Variants in PCK1 observed in about 807,000 individuals in gnomAD.
PCK1 encodes the protein phosphoenolpyruvate carboxykinase, cytosolic [GTP].
Under a neutral mutation model 50.3 loss-of-function variants are expected in PCK1, and 44 were observed. The ratio of observed to expected loss-of-function variants is 0.87; its 90% CI spans 0.69 to 1.12. PCK1 has a LOEUF of 1.12. Ranked by LOEUF, PCK1 falls within the 50% of genes most tolerant of loss-of-function variation. PCK1 has a pLI of 0.00. For missense variants in PCK1, 790 were observed against 815.0 expected, an observed-to-expected ratio of 0.97 and a Z score of 0.37; for synonymous variants, 332 against 314.3, an observed-to-expected ratio of 1.06 and a Z score of -0.59.
Position 57,565,429 on chromosome 20 carries a change from T to A in PCK1, c.1494T>A (p.Leu498=). The A allele has an allele frequency of 5.6e-6, 9 of 1,614,176 alleles. No individual in the cohort carries two copies. Among genetic ancestry groups the A allele is most frequent in the Non-Finnish European group, 6.8e-6 (8 of 1,179,986 alleles). Residue 498 remains leucine (L), a synonymous_variant, in exon 10 of 10, where the codon CTT becomes CTA. Transcript: ENST00000319441. ...YNFGKYLAHW[L]SMAQHPAAKL... ...TCGGCAAATACCTGGCCCACTGGCT[T>A]AGCATGGCCCAGCACCCAGCAGCCA...
Position 57,561,628 on chromosome 20 carries a change from G to A in PCK1, c.217G>A (p.Asp73Asn). Reference protein sequence around the residue: ...EGILRRLKKYDNCWLALTDPR... With the variant: ...EGILRRLKKYNNCWLALTDPR... ...CATCCTCAGGCGGCTGAAGAAGTAT[G>A]ACAACTGGTAAGCTCGGCCCCCGCT... The change falls in exon 2 of 10, where the codon GAC becomes AAC. Residue 73 changes from aspartate (D) to asparagine (N), a missense_variant. Physicochemically the swap from Asp to Asn is conservative, Grantham distance 23. Coordinates refer to ENST00000319441, the MANE Select transcript of PCK1 (RefSeq NM_002591.4). 1.2e-6 allele frequency: 2 copies of A among 1,609,476 alleles called. No homozygotes were observed. The highest frequency in any genetic ancestry group is 1.9e-4 in the Middle Eastern group (1 of 5,272).
Position 57,561,592 on chromosome 20 carries a change from G to A in PCK1, c.181G>A (p.Glu61Lys), listed in dbSNP as rs1462472069. Residue 61 changes from glutamate (E) to lysine (K), a missense_variant, in exon 2 of 10, where the codon GAG (glutamate) becomes AAG (lysine). Transcript: ENST00000319441. ...GAATGGGCGGCTTCTGGGCCAGATG[G>A]AGGAAGAGGGCATCCTCAGGCGGCT... ...EENGRLLGQMEEEGILRRLKK... is the reference protein window; with the variant it reads ...EENGRLLGQMKEEGILRRLKK... 6.2e-7 allele frequency: 1 copy of A among 1,613,622 alleles called. No homozygotes were observed. Among genetic ancestry groups the A allele is most frequent in the Admixed American group, 1.7e-5 (1 of 60,012 alleles).
Position 57,561,548 on chromosome 20 carries a change from G to C in PCK1, c.137G>C (p.Cys46Ser), listed in dbSNP as rs777314725. 1 of 1,614,044 alleles carries C rather than the reference G, an allele frequency of 6.2e-7. No homozygotes were observed. Among genetic ancestry groups the C allele is most frequent in the Non-Finnish European group, 8.5e-7 (1 of 1,179,984 alleles). Residue 46 changes from cysteine to serine, a missense_variant, in exon 2 of 10, where the codon TGT becomes TCT. Physicochemically the swap from Cys to Ser is moderately radical, Grantham distance 112 (BLOSUM62 -1). Coordinates refer to ENST00000319441, the MANE Select transcript of PCK1 (RefSeq NM_002591.4). The part of the protein sequence containing the change: ...ELCQPDHIHI[C>S]DGSEEENGRL... Reference sequence around the variant, plus strand: ...TGTCAGCCTGATCACATCCACATCTGTGACGGCTCTGAGGAGGAGAATGGG... The same window carrying C: ...TGTCAGCCTGATCACATCCACATCTCTGACGGCTCTGAGGAGGAGAATGGG...
At chr20:57,562,459 A>G in intron 3 of PCK1, 1 of 626,468 alleles carries the variant, frequency 1.6e-6, no homozygotes, top group Non-Finnish European at 2.8e-6. Context: ...AACTAGTTCC[A>G]TGCATATGGG....
At position 57,565,940 on chromosome 20, in the gene PCK1, G is replaced by A; in HGVS notation, c.*136G>A. On this transcript the variant is annotated 3_prime_UTR_variant, in exon 10 of 10. Coordinates refer to ENST00000319441, the MANE Select transcript of PCK1 (RefSeq NM_002591.4). ...ACCACACCGTGAGCAGATCTGAAAGGCACACTTTGATTTTTTTAAGGATAA... is the reference window on the plus strand; with the variant it reads ...ACCACACCGTGAGCAGATCTGAAAGACACACTTTGATTTTTTTAAGGATAA... 1.6e-6 allele frequency: 1 copy of A among 629,098 alleles called. No homozygotes were observed. The highest frequency in any genetic ancestry group is 2.7e-6 in the Non-Finnish European group (1 of 373,366). 39.0% of individuals were successfully genotyped at this position (629,098 alleles called of 1,614,324 possible). A position where few individuals can be genotyped will look rare whatever the true frequency, so the allele number is the denominator to read the frequency against.
Position 57,565,927 on chromosome 20 carries a change from G to A in PCK1, c.*123G>A. The A allele has an allele frequency of 2.9e-6, 2 of 679,058 alleles. No homozygotes were observed. The highest frequency in any genetic ancestry group is 4.9e-6 in the Non-Finnish European group (2 of 410,228). The allele number at this position is 679,058 out of a possible 1,614,324, so 42.1% of individuals were successfully genotyped here. A position where few individuals can be genotyped will look rare whatever the true frequency, so the allele number is the denominator to read the frequency against. On this transcript the variant is annotated 3_prime_UTR_variant, in exon 10 of 10. Transcript: ENST00000319441. ...CATAATAATCATCACCACACCGTGA[G>A]CAGATCTGAAAGGCACACTTTGATT...
Position 57,565,639 on chromosome 20 carries a change from C to T in PCK1, c.1704C>T (p.Gly568=). 6.2e-7 allele frequency: 1 copy of T among 1,614,136 alleles called. No individual in the cohort carries two copies. The highest frequency in any genetic ancestry group is 8.5e-7 in the Non-Finnish European group (1 of 1,180,022). ...IPKEDALNLK[G]LGHINMMELF... is the part of the protein sequence containing the mutation. ...AGGAGGATGCCCTGAACCTGAAAGG[C>T]CTGGGGCACATCAACATGATGGAGC... The change falls in exon 10 of 10, where the codon GGC becomes GGT. Residue 568 remains glycine (G), a synonymous_variant. Transcript: ENST00000319441.
rs148075029 is a variant in PCK1 at position 57,564,303 on chromosome 20, G to A, written c.1096G>A (p.Gly366Arg). The change falls in exon 7 of 10, where the codon GGG (glycine) becomes AGG (arginine). Residue 366 changes from glycine to arginine, a missense_variant. By Grantham distance (125) the Gly-to-Arg change is moderately radical. Transcript: ENST00000319441. ...IFTNVAETSD[G>R]GVYWEGIDEP... Reference sequence around the variant, plus strand: ...TACCAATGTGGCCGAGACCAGCGACGGGGGCGTTTACTGGGAAGGCATTGA... The same window carrying A: ...TACCAATGTGGCCGAGACCAGCGACAGGGGCGTTTACTGGGAAGGCATTGA... 22 of 1,614,102 alleles carry A rather than the reference G, an allele frequency of 1.4e-5. No homozygotes were observed. Among genetic ancestry groups the A allele is most frequent in the Middle Eastern group, 3.3e-4 (2 of 6,062 alleles).
chr20:57,562,599 G>A, intron 3 of PCK1, 97 bp from the exon 4 acceptor site: 1 of 990,416 alleles, frequency 1.0e-6, no homozygotes, highest in South Asian at 1.5e-5. Flanking sequence ...GGTGTTAGTG[G>A]AACACCGTGA....
rs45441592 is a variant in PCK1 at position 57,563,792 on chromosome 20, A to G, written c.961+65A>G. ...CAAGCGAATCGTTGGCCTTCGAAAC[A>G]TGTCACATTCTCCTCAGTCCAGTGT... On this transcript the variant is annotated intron_variant, in intron 6 of 9. Coordinates refer to ENST00000319441, the MANE Select transcript of PCK1 (RefSeq NM_002591.4). The G allele has an allele frequency of 1.1e-5, 14 of 1,314,178 alleles. No individual in the cohort carries two copies. The Admixed American group carries it at 2.4e-4, about 23-fold the overall frequency. 81.4% of individuals were successfully genotyped at this position (1,314,178 alleles called of 1,614,324 possible).
In PCK1 at chr20:57,561,585, C is replaced by A. The variant is rs772430908; in HGVS notation, c.174C>A (p.Gly58=). The change falls in exon 2 of 10, where the codon GGC becomes GGA. Residue 58 remains glycine, a synonymous_variant. Coordinates refer to ENST00000319441, the MANE Select transcript of PCK1 (RefSeq NM_002591.4). ...AGGAGGAGAATGGGCGGCTTCTGGG[C>A]CAGATGGAGGAAGAGGGCATCCTCA... ...GSEEENGRLL[G]QMEEEGILRR... is the part of the protein sequence containing the mutation. 9.3e-6 allele frequency: 15 copies of A among 1,613,626 alleles called. No homozygotes were observed. Among genetic ancestry groups the A allele is most frequent in the Non-Finnish European group, 1.3e-5 (15 of 1,179,920 alleles).
intron 2 of PCK1, 60 bp from the exon 3 acceptor site, chr20:57,562,011 T>C (rs2070148910): frequency 2.1e-6 from 3 of 1,448,118 alleles, no homozygotes; most frequent in Non-Finnish European, 2.9e-6. Context: ...GCCACGGTAC[T>C]GAAGGAGATG....
rs1220356303 is a variant in PCK1 at position 57,565,602 on chromosome 20, G to T, written c.1667G>T (p.Gly556Val). 1 of 1,614,146 alleles carries T rather than the reference G, an allele frequency of 6.2e-7. No individual in the cohort carries two copies. The change falls in exon 10 of 10, where the codon GGC becomes GTC. Residue 556 changes from glycine to valine, a missense_variant. Coordinates refer to ENST00000319441, the MANE Select transcript of PCK1 (RefSeq NM_002591.4). ...GCCAGCACCAAGCTCACGCCCATAG[G>T]CTACATCCCCAAGGAGGATGCCCTG... ...GKASTKLTPI[G>V]YIPKEDALNL...
rs758358426 is a variant in PCK1 at position 57,563,611 on chromosome 20, C to T, written c.845C>T (p.Ala282Val). 1.2e-6 allele frequency: 2 copies of T among 1,612,558 alleles called. No homozygotes were observed. Among genetic ancestry groups the T allele is most frequent in the Non-Finnish European group, 1.7e-6 (2 of 1,178,732 alleles). ...GAGGGTGAGAAGAAGTACCTGGCGG[C>T]CGCATTTCCCAGCGCCTGCGGGAAG... ...NPEGEKKYLA[A>V]AFPSACGKTN... Residue 282 changes from alanine (A) to valine (V), a missense_variant, in exon 6 of 10, where the codon GCC becomes GTC. By Grantham distance (64) the Ala-to-Val change is moderately conservative. Transcript: ENST00000319441.
intron 1 of PCK1, 31 bp from the exon 2 acceptor site, chr20:57,561,341 T>C: frequency 2.0e-6 from 2 of 976,208 alleles, no homozygotes; most frequent in South Asian, 1.4e-5. Context: ...GTTGTTGTTT[T>C]TGTTCAGGAC....
At position 57,562,259 on chromosome 20, in the gene PCK1, G is replaced by A. The variant is rs370436004; in HGVS notation, c.406+7G>A. Reference sequence around the variant, plus strand: ...TTCCCAGGGTGCATGAAAGGTGAGCGGAACATTGATTTGATTGGGTAAAAC... The same window carrying A: ...TTCCCAGGGTGCATGAAAGGTGAGCAGAACATTGATTTGATTGGGTAAAAC... On this transcript the variant is annotated splice_region_variant and intron_variant, in intron 3 of 9. Coordinates refer to ENST00000319441, the MANE Select transcript of PCK1 (RefSeq NM_002591.4). The A allele has an allele frequency of 5.9e-5, 95 of 1,611,014 alleles. No homozygotes were observed. The highest frequency in any genetic ancestry group is 5.7e-4 in the South Asian group (52 of 90,966).
chr20:57,561,623 A>T lies in PCK1; in HGVS notation c.212A>T (p.Lys71Met). ...EEEGILRRLKKYDNCWLALTD... is the reference protein window; with the variant it reads ...EEEGILRRLKMYDNCWLALTD... ...GAGGGCATCCTCAGGCGGCTGAAGAAGTATGACAACTGGTAAGCTCGGCCC... is the reference window on the plus strand; with the variant it reads ...GAGGGCATCCTCAGGCGGCTGAAGATGTATGACAACTGGTAAGCTCGGCCC... The change falls in exon 2 of 10, where the codon AAG becomes ATG. Residue 71 changes from lysine to methionine, a missense_variant. Transcript: ENST00000319441. The T allele has an allele frequency of 6.2e-7, 1 of 1,611,114 alleles. No individual in the cohort carries two copies. Among genetic ancestry groups the T allele is most frequent in the Non-Finnish European group, 8.5e-7 (1 of 1,178,482 alleles).
At chr20:57,564,065 A>AGGG (rs2070178645) in intron 6 of PCK1, 104 bp from the exon 7 acceptor site, 3 of 744,868 alleles carry the variant, frequency 4.0e-6, no homozygotes, top group African/African-American at 3.6e-5. Context: ...GGAGGGAAAA[A>AGGG]AGATTTGAGA....
rs764562797 is a variant in PCK1 at position 57,564,363 on chromosome 20, T to C, written c.1156T>C (p.Trp386Arg). The C allele has an allele frequency of 2.5e-6, 4 of 1,614,136 alleles. No homozygotes were observed. Among genetic ancestry groups the C allele is most frequent in the African/African-American group, 1.3e-5 (1 of 75,042 alleles). The change falls in exon 7 of 10, where the codon TGG becomes CGG. Residue 386 changes from tryptophan to arginine, a missense_variant. By Grantham distance (101) the Trp-to-Arg change is moderately radical. Transcript: ENST00000319441. ...PLASGVTITS[W>R]KNKEWSSEDG... is the part of the protein sequence containing the mutation. ...AGCTTCAGGTGTCACCATCACGTCC[T>C]GGAAGAATAAGGAGTGGAGCTCAGA... is the stretch of plus-strand genomic sequence containing the variant.
Sources: gnomAD v4.1 joint callset for allele counts on GRCh38, gnomAD v4.1.1 for gene constraint, MANE v1.5 for transcripts, NCBI Gene and HGNC (gene_info 2026-07-23, HGNC 2026-07-21) for gene names.